The following BCL2 variants were observed in gnomAD, a reference collection of about 807,000 sequenced individuals.
The protein encoded by BCL2 is apoptosis regulator Bcl-2.
In BCL2, 1 loss-of-function variant was observed where a neutral mutation model predicts 14.2. The observed-to-expected ratio is 0.07, with a 90% CI of 0.02 to 0.33. The LOEUF (loss-of-function observed/expected upper bound fraction) is 0.33. Ranked by LOEUF, BCL2 falls within the 10% of genes least tolerant of loss-of-function variation. BCL2 has a pLI of 0.99. For missense variants in BCL2, 247 were observed against 305.9 expected (o/e 0.81, Z 1.44); for synonymous variants, 151 against 137.2 (o/e 1.10, Z -0.70).
intron 2 of BCL2, among the ~76,000 whole-genome samples, chr18:63,223,443 A>G (rs1910461468): frequency 6.6e-6 from 1 of 152,118 alleles, no homozygotes; most frequent in Admixed American, 6.5e-5. Context: ...GAAACTGTTT[A>G]AGAATCAGTT....
At chr18:63,217,629 T>A (rs1290823144) in intron 2 of BCL2, among the ~76,000 whole-genome samples, 1 of 152,230 alleles carries the variant, frequency 6.6e-6, no homozygotes. Flanking sequence ...CCTTATGATG[T>A]TGTGAAATAA....
At chr18:63,226,511 T>C (rs993391365) in intron 2 of BCL2, among the ~76,000 whole-genome samples, 3 of 152,214 alleles carry the variant, frequency 2.0e-5, no homozygotes, top group African/African-American at 7.2e-5. Context: ...AATATAGCCA[T>C]AACATGGAAT....
chr18:63,135,399 C>T (rs574130568), intron 2 of BCL2, among the ~76,000 whole-genome samples: 90 of 152,354 alleles, frequency 5.9e-4, no homozygotes, highest in African/African-American at 2.0e-3. Flanking sequence ...TTCATGGTCT[C>T]TAAACTCAGT....
chr18:63,293,538 G>A (rs910039285), intron 2 of BCL2, among the ~76,000 whole-genome samples: 2 of 152,176 alleles, frequency 1.3e-5, no homozygotes, highest in African/African-American at 2.4e-5. Flanking sequence ...TGTGAGTGTG[G>A]GTTTTCAAAT....
chr18:63,128,589 C>A lies in BCL2; in HGVS notation c.*36G>T, dbSNP rs1383672400. On this transcript the variant is annotated 3_prime_UTR_variant, in exon 3 of 3. Coordinates refer to ENST00000333681, the MANE Select transcript of BCL2 (RefSeq NM_000633.3). ...ATATTATTTCTACTGCTTTAGTGAA[C>A]CTTTTGCATATTTGTTTGGGGCAGG... 2.6e-6 allele frequency: 2 copies of A among 776,024 alleles called. No homozygotes were observed. The allele number at this position is 776,024 out of a possible 1,614,324, so 48.1% of individuals were successfully genotyped here. A position where few individuals can be genotyped will look rare whatever the true frequency, so the allele number is the denominator to read the frequency against.
chr18:63,225,828 G>A (rs79727574), intron 2 of BCL2, among the ~76,000 whole-genome samples: 2,608 of 152,308 alleles, frequency 0.017, 40 homozygotes, highest in Non-Finnish European at 0.03. Flanking sequence ...AGCAGTGCCT[G>A]CAACCCCTGA....
chr18:63,276,538 C>T (rs1047306240), intron 2 of BCL2, among the ~76,000 whole-genome samples: 26 of 152,192 alleles, frequency 1.7e-4, no homozygotes, highest in Admixed American at 1.3e-3. Context: ...GAAAAGCCTA[C>T]GCCATTTTAC....
chr18:63,263,976 G>T (rs1911740585), intron 2 of BCL2, among the ~76,000 whole-genome samples: 2 of 152,240 alleles, frequency 1.3e-5, no homozygotes, highest in South Asian at 4.2e-4. Flanking sequence ...CACCATGTTG[G>T]CCAGGCTGGT....
intron 2 of BCL2, among the ~76,000 whole-genome samples, chr18:63,286,181 T>A (rs766136016): frequency 2.0e-5 from 3 of 152,220 alleles, no homozygotes; most frequent in Non-Finnish European, 4.4e-5. Flanking sequence ...TACATTAAAA[T>A]GAGAGCATAA....
At position 63,124,933 on chromosome 18, in the gene BCL2, A is replaced by G; in HGVS notation, c.*3692T>C. ...AAAACAGCCACTGCCTTAAAAGTAC[A>G]GTTGGAATTAATTAGAGTTTAAGTT... On this transcript the variant is annotated 3_prime_UTR_variant, in exon 3 of 3. Coordinates refer to ENST00000333681, the MANE Select transcript of BCL2 (RefSeq NM_000633.3). 4.5e-6 allele frequency: 1 copy of G among 222,970 alleles called. No homozygotes were observed. The highest frequency in any genetic ancestry group is 9.0e-6 in the Non-Finnish European group (1 of 111,288). The allele number at this position is 222,970 out of a possible 1,614,324, so 13.8% of individuals were successfully genotyped here. A position where few individuals can be genotyped will look rare whatever the true frequency, so the allele number is the denominator to read the frequency against.
chr18:63,156,908 G>A (rs866504233), intron 2 of BCL2, among the ~76,000 whole-genome samples: 4 of 152,118 alleles, frequency 2.6e-5, no homozygotes, highest in African/African-American at 7.2e-5. Context: ...TTTGCCCTCC[G>A]TTTTCTTCCC....
intron 2 of BCL2, among the ~76,000 whole-genome samples, chr18:63,291,726 C>T (rs1225091955): frequency 6.8e-6 from 1 of 146,152 alleles, no homozygotes; most frequent in Non-Finnish European, 1.5e-5. Context: ...ATGAGTATTT[C>T]TTTTTTTTTT....
chr18:63,208,998 A>T (rs911483351), intron 2 of BCL2, among the ~76,000 whole-genome samples: 5 of 152,306 alleles, frequency 3.3e-5, no homozygotes, highest in Admixed American at 2.0e-4. Context: ...GTCTCCTGGA[A>T]TTAGTGTCAG....
chr18:63,215,461 A>G (rs996575216), intron 2 of BCL2, among the ~76,000 whole-genome samples: 1 of 152,236 alleles, frequency 6.6e-6, no homozygotes, highest in Admixed American at 6.5e-5. Flanking sequence ...CTGTTAAATG[A>G]GAAAAAGAAA....
chr18:63,227,856 G>T (rs1599257219), intron 2 of BCL2, among the ~76,000 whole-genome samples: 1 of 152,216 alleles, frequency 6.6e-6, no homozygotes, highest in Non-Finnish European at 1.5e-5. Flanking sequence ...ATAGGGAAAT[G>T]CTCACAAGAA....
intron 2 of BCL2, among the ~76,000 whole-genome samples, chr18:63,140,118 A>T (rs1424730141): frequency 6.6e-6 from 1 of 152,192 alleles, no homozygotes; most frequent in Non-Finnish European, 1.5e-5. Flanking sequence ...CATCCACTAG[A>T]GTGGCTCTAA....
intron 2 of BCL2, among the ~76,000 whole-genome samples, chr18:63,181,334 A>C (rs1568226418): frequency 6.6e-6 from 1 of 152,170 alleles, no homozygotes; most frequent in Non-Finnish European, 1.5e-5. Flanking sequence ...CATTAGAAAG[A>C]GCAACTAGGA....
chr18:63,131,422 G>A (rs1914067353), intron 2 of BCL2, among the ~76,000 whole-genome samples: 1 of 152,210 alleles, frequency 6.6e-6, no homozygotes, highest in Non-Finnish European at 1.5e-5. Context: ...TTAGCACAGA[G>A]CTAAGGCACA....
At chr18:63,165,435 A>T (rs1165280508) in intron 2 of BCL2, among the ~76,000 whole-genome samples, 1 of 151,660 alleles carries the variant, frequency 6.6e-6, no homozygotes, top group Non-Finnish European at 1.5e-5. Context: ...CTAGCTGCAG[A>T]CCTCCCTGGC....
Sources: gnomAD v4.1 joint callset for allele counts (sites outside exome capture counted in the v4.1 genomes callset) on GRCh38, gnomAD v4.1.1 for gene constraint, MANE v1.5 for transcripts, NCBI Gene and HGNC (gene_info 2026-07-23, HGNC 2026-07-21) for gene names.